Variants in TNFRSF1B observed in about 807,000 individuals in gnomAD.
TNFRSF1B encodes TNF receptor superfamily member 1B.
Under a neutral mutation model 44.6 loss-of-function variants are expected in TNFRSF1B, and 19 were observed. That is an observed-to-expected ratio of 0.43 (90% confidence interval 0.30 to 0.62). TNFRSF1B has a LOEUF of 0.62. TNFRSF1B is among the 20% of genes least tolerant of loss of function. The probability of loss-of-function intolerance (pLI) is 0.16; values close to 1 mark genes in which losing one functional copy is unlikely to be tolerated. For synonymous variants in TNFRSF1B, 252 were observed against 261.1 expected (o/e 0.97, Z 0.34); for missense variants, 541 against 619.9 (o/e 0.87, Z 1.35).
At chr1:12,183,457 TC>T (rs1169480006) in intron 1 of TNFRSF1B, among the ~76,000 whole-genome samples, 3 of 151,898 alleles carry the variant, frequency 2.0e-5, no homozygotes, top group Non-Finnish European at 4.4e-5. Flanking sequence ...TCTCTCTCTC[TC>T]TCTCTCTCTC....
chr1:12,194,485 CCT>C (rs1639221941), intron 7 of TNFRSF1B, 97 bp from the exon 8 acceptor site: 1 of 1,300,790 alleles, frequency 7.7e-7, no homozygotes, highest in Admixed American at 1.7e-5. Flanking sequence ...CAGGGCTGGG[CCT>C]CTCTGCTGGT....
In TNFRSF1B at chr1:12,191,684, C is replaced by A. The variant is rs769268889; in HGVS notation, c.308-90C>A. On this transcript the variant is annotated intron_variant, in intron 3 of 9. Transcript: ENST00000376259. Reference sequence around the variant, plus strand: ...GGCGGTCCGCCAGCCTCCTGGAGATCCGCTGTCTGAGAGTGCTGGGCTGTC... The same window carrying A: ...GGCGGTCCGCCAGCCTCCTGGAGATACGCTGTCTGAGAGTGCTGGGCTGTC... 1.9e-6 allele frequency: 3 copies of A among 1,551,244 alleles called. No homozygotes were observed. The African/African-American group carries it at 4.1e-5, about 21-fold the overall frequency.
chr1:12,192,593 GAC>G, intron 5 of TNFRSF1B, 69 bp downstream of exon 5: 1 of 1,461,958 alleles, frequency 6.8e-7, no homozygotes, highest in Non-Finnish European at 9.6e-7. Context: ...GTGGGTCCAG[GAC>G]ACAGAGCAGC....
rs1218443177 is a variant in TNFRSF1B, at chr1:12,171,030, T to C, written c.78+3861T>C. Among the ~76,000 whole-genome samples the C allele has an allele frequency of 2.0e-5, 3 of 151,512 alleles. No homozygotes were observed. Among genetic ancestry groups the C allele is most frequent in the Non-Finnish European group, 4.4e-5 (3 of 67,934 alleles). ...TTAATTTTTTTTTATTGAGATAGAG[T>C]CTTACTCTGTCACCCAGGCTGGAGT... On this transcript the variant is annotated intron_variant, in intron 1 of 9. Transcript: ENST00000376259. The surrounding 1 kb of genome is among the most constrained non-coding windows in gnomAD (Gnocchi z 4.5).
At chr1:12,167,383 A>G in intron 1 of TNFRSF1B, 1 of 421,454 alleles carries the variant, frequency 2.4e-6, no homozygotes, top group South Asian at 4.5e-5. Context: ...CTCGGGGCAC[A>G]ACTCTGGCCC....
Position 12,176,053 on chromosome 1 carries a change from G to GAA in TNFRSF1B, c.78+8899_78+8900dup, listed in dbSNP as rs113671676. On this transcript the variant is annotated intron_variant, in intron 1 of 9. Transcript: ENST00000376259. Reference sequence around the variant, plus strand: ...AACATGGTGAAACCCTGTCTCTACTGAAAAAAAAAAAAAAAATTAGCCAGG... The same window carrying GAA: ...AACATGGTGAAACCCTGTCTCTACTGAAAAAAAAAAAAAAAAAATTAGCCAGG... 4.8e-4 allele frequency among the ~76,000 whole-genome samples: 67 copies of GAA among 138,578 alleles called. 1 individual carries two copies. In the East Asian group the frequency reaches 5.6e-3, roughly 12 times the overall value. The allele number at this position is 138,578 out of a possible 152,430, so 90.9% of individuals were successfully genotyped here. A position where few individuals can be genotyped will look rare whatever the true frequency, so the allele number is the denominator to read the frequency against.
chr1:12,194,432 T>G (rs1570162925), intron 7 of TNFRSF1B, 152 bp from the exon 8 acceptor site: 2 of 739,090 alleles, frequency 2.7e-6, no homozygotes. Context: ...TGGAGTTGGG[T>G]GGGGGCTTCT....
chr1:12,176,518 A>G (rs1638660295), intron 1 of TNFRSF1B, among the ~76,000 whole-genome samples: 1 of 152,032 alleles, frequency 6.6e-6, no homozygotes, highest in South Asian at 2.1e-4. Flanking sequence ...AGGTCTATGA[A>G]CTCCTTTATT....
In TNFRSF1B at chr1:12,208,330, C is replaced by T. The variant is rs17880872; in HGVS notation, c.*1310C>T. ...TCCCCCAGAGGGGTGGGTTCCTCTTCCCCACTCCCCACCTTCAATTCCTGG... is the reference window on the plus strand; with the variant it reads ...TCCCCCAGAGGGGTGGGTTCCTCTTTCCCACTCCCCACCTTCAATTCCTGG... On this transcript the variant is annotated 3_prime_UTR_variant, in exon 10 of 10. Coordinates refer to ENST00000376259, the MANE Select transcript of TNFRSF1B (RefSeq NM_001066.3). The T allele has an allele frequency of 4.1e-3, 632 of 152,920 alleles. 4 individuals carry two copies. Among genetic ancestry groups the T allele is most frequent in the Non-Finnish European group, 6.9e-3 (472 of 68,120 alleles). 9.5% of individuals were successfully genotyped at this position (152,920 alleles called of 1,614,324 possible).
rs1638469646 is a variant in TNFRSF1B at position 12,169,265 on chromosome 1, G to C, written c.78+2096G>C. ...GGTGTCTTCAGGGCCAGAACTGTGG[G>C]TTCCTCTTCCTTCTCATCAGTAGCA... On this transcript the variant is annotated intron_variant, in intron 1 of 9. Transcript: ENST00000376259. This position sits in a 1 kb window ranked among gnomAD's most constrained non-coding sequence, Gnocchi z 4.5. 1.3e-5 allele frequency among the ~76,000 whole-genome samples: 2 copies of C among 152,142 alleles called. No homozygotes were observed. Among genetic ancestry groups the C allele is most frequent in the Admixed American group, 6.5e-5 (1 of 15,276 alleles).
intron 1 of TNFRSF1B, among the ~76,000 whole-genome samples, chr1:12,175,691 C>A (rs577420748): frequency 3.3e-4 from 50 of 152,160 alleles, no homozygotes; most frequent in Non-Finnish European, 4.1e-4. Context: ...ACTCCTGCAT[C>A]CCATTCTCCC....
chr1:12,192,939 G>T lies in TNFRSF1B; in HGVS notation c.628G>T (p.Ala210Ser), dbSNP rs1259776482. 1 of 1,614,144 alleles carries T rather than the reference G, an allele frequency of 6.2e-7. No homozygotes were observed. Among genetic ancestry groups the T allele is most frequent in the Non-Finnish European group, 8.5e-7 (1 of 1,180,028 alleles). Residue 210 changes from alanine to serine, a missense_variant, in exon 6 of 10, where the codon GCC becomes TCC. By Grantham distance (99) the Ala-to-Ser change is moderately conservative (BLOSUM62 1). Transcript: ENST00000376259. ...GTCCACGTCCCCCACCCGGAGTATG[G>T]CCCCAGGGGCAGTACACTTACCCCA... The part of the protein sequence containing the change: ...CTSTSPTRSM[A>S]PGAVHLPQPV...
intron 1 of TNFRSF1B, among the ~76,000 whole-genome samples, chr1:12,185,423 C>A (rs1026612119): frequency 1.3e-5 from 2 of 151,018 alleles, no homozygotes; most frequent in African/African-American, 4.8e-5. Context: ...GTGCTTTGGA[C>A]ACAGGCAGTG....
In TNFRSF1B at chr1:12,207,733, A is replaced by C. The variant is rs1223169071; in HGVS notation, c.*713A>C. On this transcript the variant is annotated 3_prime_UTR_variant, in exon 10 of 10. Transcript: ENST00000376259. ...GAGACCAGCCTGGCCAACATGGTAA[A>C]ACCCCATCTCTACTAAAAATACAGA... The C allele has an allele frequency of 2.6e-5, 4 of 152,268 alleles. No homozygotes were observed. Among genetic ancestry groups the C allele is most frequent in the African/African-American group, 9.7e-5 (4 of 41,412 alleles). 9.4% of individuals were successfully genotyped at this position (152,268 alleles called of 1,614,324 possible). A position where few individuals can be genotyped will look rare whatever the true frequency, so the allele number is the denominator to read the frequency against.
At position 12,180,010 on chromosome 1, in the gene TNFRSF1B, C is replaced by T. The variant is rs1224882118; in HGVS notation, c.79-8786C>T. 6.6e-6 allele frequency among the ~76,000 whole-genome samples: 1 copy of T among 152,038 alleles called. No homozygotes were observed. Among genetic ancestry groups the T allele is most frequent in the Non-Finnish European group, 1.5e-5 (1 of 68,000 alleles). On this transcript the variant is annotated intron_variant, in intron 1 of 9. Transcript: ENST00000376259. The surrounding 1 kb of genome is among the most constrained non-coding windows in gnomAD (Gnocchi z 4.3). ...GCCTGAAGCTTCTCCCTGTGGCCAC[C>T]TCCCCACCGCATCATCTTCCGTTCT...
chr1:12,179,461 G>T (rs1404916769), intron 1 of TNFRSF1B, among the ~76,000 whole-genome samples: 1 of 152,232 alleles, frequency 6.6e-6, no homozygotes, highest in Admixed American at 6.5e-5. Flanking sequence ...CCATGCAAAT[G>T]ACGTGGTTTC....
intron 3 of TNFRSF1B, 94 bp from the exon 4 acceptor site, chr1:12,191,680 A>G: frequency 6.5e-7 from 1 of 1,535,080 alleles, no homozygotes; most frequent in African/African-American, 1.4e-5. Context: ...AGCCTCCTGG[A>G]GATCCGCTGT....
rs534227327 is a variant in TNFRSF1B at position 12,171,197 on chromosome 1, A to G, written c.78+4028A>G. On this transcript the variant is annotated intron_variant, in intron 1 of 9. Transcript: ENST00000376259. This position sits in a 1 kb window ranked among gnomAD's most constrained non-coding sequence, Gnocchi z 4.5. ...TTTCCTTTTTTTTTTTTTTTTTAGTAGAGACCGGGTTTTGCCATGTTGGCC... is the reference window on the plus strand; with the variant it reads ...TTTCCTTTTTTTTTTTTTTTTTAGTGGAGACCGGGTTTTGCCATGTTGGCC... 3.6e-4 allele frequency among the ~76,000 whole-genome samples: 52 copies of G among 143,368 alleles called. No individual in the cohort carries two copies. The Middle Eastern group carries it at 0.014, about 39-fold the overall frequency. The allele number at this position is 143,368 out of a possible 152,430, so 94.1% of individuals were successfully genotyped here.
chr1:12,200,400 C>G (rs920549836), intron 8 of TNFRSF1B, among the ~76,000 whole-genome samples: 2 of 152,024 alleles, frequency 1.3e-5, no homozygotes, highest in Non-Finnish European at 2.9e-5. Flanking sequence ...GAATGATTGA[C>G]TGAGCGCAAA....
Sources: allele counts gnomAD v4.1 joint callset (sites outside exome capture counted in the v4.1 genomes callset), GRCh38; gene constraint gnomAD v4.1.1; non-coding constraint Gnocchi (gnomAD v3.1); transcripts MANE v1.5; gene names NCBI Gene and HGNC (gene_info 2026-07-23, HGNC 2026-07-21).